LGSN: variants seen among roughly 807,000 people sequenced by gnomAD.
The protein encoded by LGSN is lengsin.
In LGSN, 21 loss-of-function variants were observed where a neutral mutation model predicts 19.5. That is an observed-to-expected ratio of 1.07 (90% confidence interval 0.76 to 1.55). LGSN has a LOEUF of 1.55. LGSN is among the 40% of genes most tolerant of loss of function. LGSN has a pLI of 0.00. For synonymous variants in LGSN, 257 were observed against 215.6 expected (o/e 1.19, Z -1.68); for missense variants, 673 against 608.5 (o/e 1.11, Z -1.12).
the LGSN span, among the ~76,000 whole-genome samples, chr6:63,343,863 G>A: frequency 6.6e-6 from 1 of 152,134 alleles, no homozygotes; most frequent in African/African-American, 2.4e-5. Flanking sequence ...AGAGAGGTAG[G>A]AAGCCACTAG....
the LGSN span, among the ~76,000 whole-genome samples, chr6:63,479,242 C>T: frequency 2.6e-5 from 4 of 151,920 alleles, no homozygotes; most frequent in Non-Finnish European, 2.9e-5. Flanking sequence ...GCAAGGGAGA[C>T]CCAGATGAAA....
At chr6:63,373,794 G>A in the LGSN span, among the ~76,000 whole-genome samples, 1,169 of 152,118 alleles carry the variant, frequency 7.7e-3, 15 homozygotes, top group African/African-American at 0.026. Context: ...CCAATGTGGC[G>A]AAACCCAGTC....
chr6:63,308,270 T>C (rs1768476426), intron 1 of LGSN, among the ~76,000 whole-genome samples: 1 of 152,244 alleles, frequency 6.6e-6, no homozygotes, highest in African/African-American at 2.4e-5. Context: ...GATGGCTTTT[T>C]GTCTCATACA....
the LGSN span, among the ~76,000 whole-genome samples, chr6:63,439,469 C>G: frequency 1.3e-5 from 2 of 151,866 alleles, no homozygotes; most frequent in Non-Finnish European, 2.9e-5. Context: ...GATCCCAGAT[C>G]GTGCCACTGC....
chr6:63,466,456 A>T, the LGSN span, among the ~76,000 whole-genome samples: 1 of 152,156 alleles, frequency 6.6e-6, no homozygotes, highest in Admixed American at 6.6e-5. Context: ...TGAATGACTT[A>T]CATTTTAATG....
At chr6:63,511,313 G>C in the LGSN span, among the ~76,000 whole-genome samples, 1 of 150,650 alleles carries the variant, frequency 6.6e-6, no homozygotes, top group Non-Finnish European at 1.5e-5. Context: ...AAGTGCAGTG[G>C]TGCAATCTCA....
At position 63,279,857 on chromosome 6, in the gene LGSN, C is replaced by T. The variant is rs1009035444; in HGVS notation, c.*164G>A. ...CTGTTATCAGAATCTTCTCAGCAGT[C>T]CTACTTCATCTGTCAAATATTCCAT... On this transcript the variant is annotated 3_prime_UTR_variant, in exon 4 of 4. Transcript: ENST00000370657. The T allele has an allele frequency of 1.8e-4, 117 of 632,662 alleles. No homozygotes were observed. The highest frequency in any genetic ancestry group is 4.5e-4 in the Middle Eastern group (1 of 2,208). The allele number at this position is 632,662 out of a possible 1,614,324, so 39.2% of individuals were successfully genotyped here.
At chr6:63,501,105 C>T in the LGSN span, among the ~76,000 whole-genome samples, 1 of 152,090 alleles carries the variant, frequency 6.6e-6, no homozygotes, top group Admixed American at 6.6e-5. Context: ...GGCCTGGTGG[C>T]TCATGCCTAT....
chr6:63,566,002 C>A, the LGSN span, among the ~76,000 whole-genome samples: 1 of 152,190 alleles, frequency 6.6e-6, no homozygotes, highest in African/African-American at 2.4e-5. Flanking sequence ...ACAGGTATTA[C>A]AATAAAGGAA....
At chr6:63,362,153 T>C in the LGSN span, among the ~76,000 whole-genome samples, 2 of 152,168 alleles carry the variant, frequency 1.3e-5, no homozygotes, top group African/African-American at 2.4e-5. Context: ...CCTGAGGTTG[T>C]TTTACAGTTA....
the LGSN span, among the ~76,000 whole-genome samples, chr6:63,469,711 T>G: frequency 6.6e-6 from 1 of 152,196 alleles, no homozygotes; most frequent in Non-Finnish European, 1.5e-5. Context: ...AAAATTTAAG[T>G]TGCATTTATT....
the LGSN span, among the ~76,000 whole-genome samples, chr6:63,534,053 G>A: frequency 2.6e-5 from 4 of 151,910 alleles, no homozygotes; most frequent in Non-Finnish European, 4.4e-5. Context: ...CATTTTGGCA[G>A]GCTAGTCTAG....
chr6:63,289,714 G>A (rs139237256), intron 2 of LGSN, among the ~76,000 whole-genome samples: 1 of 152,184 alleles, frequency 6.6e-6, no homozygotes, highest in African/African-American at 2.4e-5. Context: ...ACATATATCA[G>A]TTATATATAG....
intron 1 of LGSN, among the ~76,000 whole-genome samples, chr6:63,300,075 C>T (rs891798759): frequency 2.6e-5 from 4 of 152,134 alleles, no homozygotes; most frequent in African/African-American, 4.8e-5. Flanking sequence ...GGCCTGGAGA[C>T]GTGTATGTCC....
the LGSN span, among the ~76,000 whole-genome samples, chr6:63,480,940 GAT>G: frequency 0.051 from 3,013 of 59,410 alleles, 167 homozygotes; most frequent in East Asian, 0.1. Flanking sequence ...TAAAGAAAAT[GAT>G]ATATATATAT....
At chr6:63,529,302 C>T in the LGSN span, among the ~76,000 whole-genome samples, 1 of 150,636 alleles carries the variant, frequency 6.6e-6, no homozygotes, top group Admixed American at 6.6e-5. Context: ...TAGTCTTTCT[C>T]TACATAACAT....
chr6:63,490,989 C>A, the LGSN span, among the ~76,000 whole-genome samples: 1 of 152,084 alleles, frequency 6.6e-6, no homozygotes, highest in Non-Finnish European at 1.5e-5. Context: ...GATTAGGGCC[C>A]TCAACGGGTT....
chr6:63,475,542 A>C, the LGSN span, among the ~76,000 whole-genome samples: 2 of 152,222 alleles, frequency 1.3e-5, no homozygotes, highest in Non-Finnish European at 2.9e-5. Context: ...TGAATATTTC[A>C]AACAGGTTGG....
At chr6:63,515,318 G>A in the LGSN span, among the ~76,000 whole-genome samples, 2 of 151,948 alleles carry the variant, frequency 1.3e-5, no homozygotes, top group Non-Finnish European at 2.9e-5. Context: ...TGCAACCTCC[G>A]CCTCCCAGGC....
Sources: allele counts gnomAD v4.1 joint callset (sites outside exome capture counted in the v4.1 genomes callset), GRCh38; gene constraint gnomAD v4.1.1; transcripts MANE v1.5; gene names NCBI Gene and HGNC (gene_info 2026-07-23, HGNC 2026-07-21).